The following PCDH11X variants were observed in gnomAD, a reference collection of about 807,000 sequenced individuals.
The protein encoded by PCDH11X is protocadherin-11 X-linked.
A neutral mutation model predicts 53.3 loss-of-function variants in PCDH11X; 18 were observed. The ratio of observed to expected loss-of-function variants is 0.34; its 90% CI spans 0.23 to 0.50. PCDH11X has a LOEUF of 0.50. Ranked by LOEUF, PCDH11X falls within the 20% of genes least tolerant of loss-of-function variation. The pLI is 0.98. For missense variants in PCDH11X, 570 were observed against 1,032.4 expected (o/e 0.55, Z 6.14); for synonymous variants, 279 against 393.3 (o/e 0.71, Z 3.44).
At chrX:92,424,295 AT>A (rs1170336482) in intron 9 of PCDH11X, among the ~76,000 whole-genome samples, 2 of 91,375 alleles carry the variant, frequency 2.2e-5, no homozygotes, top group Admixed American at 2.4e-4. Context: ...GATAATGCTG[AT>A]TTTTTTCTTT....
intron 10 of PCDH11X, among the ~76,000 whole-genome samples, chrX:92,470,848 T>C (rs1048705343): frequency 1.8e-5 from 2 of 110,007 alleles, no homozygotes; most frequent in Non-Finnish European, 3.8e-5. Flanking sequence ...GAATTCAGTT[T>C]GCTAATATTT....
intron 6 of PCDH11X, among the ~76,000 whole-genome samples, chrX:91,943,311 A>T (rs1446574939): frequency 9.2e-6 from 1 of 109,012 alleles, no homozygotes; most frequent in Non-Finnish European, 1.9e-5. Flanking sequence ...CAAATGTACC[A>T]CTTTGGTGGG....
At chrX:92,019,669 G>T (rs1300844829) in intron 6 of PCDH11X, among the ~76,000 whole-genome samples, 2 of 111,908 alleles carry the variant, frequency 1.8e-5, no homozygotes, top group Non-Finnish European at 3.8e-5. Flanking sequence ...TGAGAAAAAA[G>T]ATACAACATT....
At chrX:92,104,537 T>C (rs1300953467) in intron 6 of PCDH11X, among the ~76,000 whole-genome samples, 2 of 111,309 alleles carry the variant, frequency 1.8e-5, no homozygotes, top group African/African-American at 6.5e-5. Flanking sequence ...TGCCGTTTTC[T>C]GGCTATTTGG....
At chrX:91,838,821 A>G in intron 5 of PCDH11X, among the ~76,000 whole-genome samples, 1 of 107,511 alleles carries the variant, frequency 9.3e-6, no homozygotes, top group East Asian at 2.9e-4. Flanking sequence ...GAATAGTTCA[A>G]ATAGCAAAGG....
At chrX:92,595,091 T>A (rs1925454637) in intron 10 of PCDH11X, among the ~76,000 whole-genome samples, 1 of 110,433 alleles carries the variant, frequency 9.1e-6, no homozygotes, top group South Asian at 3.8e-4. Context: ...AGACACTGGT[T>A]ATTTTACCAT....
chrX:92,029,775 T>G (rs779591344), intron 6 of PCDH11X, among the ~76,000 whole-genome samples: 4 of 111,743 alleles, frequency 3.6e-5, no homozygotes, highest in African/African-American at 1.3e-4. Flanking sequence ...ATTTTAGAAA[T>G]GTTGCTTAAT....
chrX:91,938,640 CTG>C (rs749939003), intron 6 of PCDH11X, among the ~76,000 whole-genome samples: 1 of 111,166 alleles, frequency 9.0e-6, no homozygotes, highest in South Asian at 3.8e-4. Flanking sequence ...TCTGAAGTCA[CTG>C]TGAAAAAGCC....
chrX:92,054,820 C>CAAAAAAAAAAAAAAAAAA (rs1174448342), intron 6 of PCDH11X, among the ~76,000 whole-genome samples: 1 of 25,347 alleles, frequency 3.9e-5, no homozygotes, highest in Non-Finnish European at 8.3e-5. Context: ...AACTCTGTCT[C>CAAAAAAAAAAAAAAAAAA]AAAAAAAAAA....
chrX:92,349,884 G>A (rs1394817701), intron 8 of PCDH11X, among the ~76,000 whole-genome samples: 2 of 107,601 alleles, frequency 1.9e-5, no homozygotes, highest in Non-Finnish European at 3.8e-5. Flanking sequence ...AAGCCATGAT[G>A]TTTGGCAGCT....
intron 6 of PCDH11X, among the ~76,000 whole-genome samples, chrX:92,130,387 C>T (rs1405376365): frequency 2.7e-5 from 3 of 110,733 alleles, no homozygotes; most frequent in Non-Finnish European, 3.8e-5. Context: ...TGGCTCATGC[C>T]TGTAATCATG....
chrX:92,184,581 T>G (rs1461093883), intron 6 of PCDH11X, among the ~76,000 whole-genome samples: 1 of 111,609 alleles, frequency 9.0e-6, no homozygotes, highest in Non-Finnish European at 1.9e-5. Flanking sequence ...GACTTCAAAA[T>G]ATACTACAAA....
At chrX:92,085,933 A>C (rs1231843944) in intron 6 of PCDH11X, among the ~76,000 whole-genome samples, 2 of 112,026 alleles carry the variant, frequency 1.8e-5, no homozygotes, top group Non-Finnish European at 3.8e-5. Context: ...TATATAATAC[A>C]TACCAGATTT....
intron 10 of PCDH11X, among the ~76,000 whole-genome samples, chrX:92,474,205 G>A (rs2073328192): frequency 9.0e-6 from 1 of 110,730 alleles, no homozygotes; most frequent in Admixed American, 9.6e-5. Flanking sequence ...ATTATATAAT[G>A]ACTTTCTTTG....
intron 7 of PCDH11X, among the ~76,000 whole-genome samples, chrX:92,233,136 TCG>T (rs1381230551): frequency 7.6e-5 from 1 of 13,183 alleles, no homozygotes; most frequent in East Asian, 0.012. Context: ...AGAGCCTCAG[TCG>T]ATTGTACTCT....
intron 6 of PCDH11X, among the ~76,000 whole-genome samples, chrX:92,067,670 G>T (rs1293830571): frequency 9.3e-6 from 1 of 107,058 alleles, no homozygotes; most frequent in African/African-American, 3.7e-5. Context: ...GGTAATACCG[G>T]CCATGTTGAA....
chrX:91,982,763 G>A, intron 6 of PCDH11X: 3 of 698,502 alleles, frequency 4.3e-6, no homozygotes, highest in Non-Finnish European at 7.0e-6. Context: ...GGGTCTGAGT[G>A]TATCCTAAAC....
At chrX:92,339,008 A>G (rs2069686648) in intron 8 of PCDH11X, among the ~76,000 whole-genome samples, 2 of 111,724 alleles carry the variant, frequency 1.8e-5, no homozygotes, top group Non-Finnish European at 3.8e-5. Context: ...ACCTTACCTG[A>G]CTTCAAACTA....
intron 10 of PCDH11X, among the ~76,000 whole-genome samples, chrX:92,514,919 T>C (rs1476092048): frequency 7.3e-5 from 7 of 95,930 alleles, no homozygotes; most frequent in African/African-American, 1.2e-4. Flanking sequence ...TGGTGGCGGG[T>C]GCCTGTAGTC....
Sources: gnomAD v4.1 joint callset for allele counts (sites outside exome capture counted in the v4.1 genomes callset) on GRCh38, gnomAD v4.1.1 for gene constraint, MANE v1.5 for transcripts, NCBI Gene and HGNC (gene_info 2026-07-23, HGNC 2026-07-21) for gene names.